Variants in ADAD1 observed in about 807,000 individuals in gnomAD.
The protein encoded by ADAD1 is adenosine deaminase domain containing 1, also known as adenosine deaminase domain-containing protein 1.
In ADAD1, 46 loss-of-function variants were observed where a neutral mutation model predicts 66.8. The ratio of observed to expected loss-of-function variants is 0.69; its 90% confidence interval spans 0.54 to 0.88. ADAD1 has a LOEUF of 0.88. Among genes scored for constraint, ADAD1 ranks in the 40% least tolerant of loss-of-function variants. The pLI, the probability that ADAD1 is intolerant of heterozygous loss-of-function variation, is 0.00. For synonymous variants in ADAD1, 248 were observed against 229.4 expected (o/e 1.08, Z -0.73); for missense variants, 617 against 681.8 (o/e 0.91, Z 1.06).
chr4:122,418,717 G>A (rs1796870386), intron 11 of ADAD1, among the ~76,000 whole-genome samples: 1 of 152,094 alleles, frequency 6.6e-6, no homozygotes, highest in Admixed American at 6.6e-5. Context: ...CCTTTAAAAA[G>A]CAGATAATTC....
At chr4:122,390,186 C>G (rs1263598766) in intron 5 of ADAD1, among the ~76,000 whole-genome samples, 1 of 152,140 alleles carries the variant, frequency 6.6e-6, no homozygotes, top group Non-Finnish European at 1.5e-5. Flanking sequence ...AATATTGGCC[C>G]CCAATCTCTC....
At chr4:122,395,550 G>A (rs901899656) in intron 6 of ADAD1, among the ~76,000 whole-genome samples, 9 of 151,730 alleles carry the variant, frequency 5.9e-5, no homozygotes, top group African/African-American at 1.5e-4. Context: ...GCATGGTGGC[G>A]CACGCTTGTA....
intron 2 of ADAD1, 25 bp from the exon 3 acceptor site, chr4:122,380,037 C>G (rs774047042): frequency 6.3e-7 from 1 of 1,581,770 alleles, no homozygotes; most frequent in East Asian, 2.2e-5. Flanking sequence ...GTCTTGTTTT[C>G]TGCCAATTTT....
At chr4:122,388,705 AGTG>A (rs1561533269) in intron 5 of ADAD1, among the ~76,000 whole-genome samples, 1 of 152,136 alleles carries the variant, frequency 6.6e-6, no homozygotes, top group African/African-American at 2.4e-5. Flanking sequence ...CTGTGGGGTC[AGTG>A]GTGATATCCC....
At chr4:122,393,545 A>G in intron 5 of ADAD1, 44 bp from the exon 6 acceptor site, 1 of 1,493,672 alleles carries the variant, frequency 6.7e-7, no homozygotes, top group Non-Finnish European at 9.0e-7. Flanking sequence ...GCTCTTTGGA[A>G]TGTTGAAGTT....
At chr4:122,406,478 A>G (rs1250122179) in intron 7 of ADAD1, among the ~76,000 whole-genome samples, 3 of 152,132 alleles carry the variant, frequency 2.0e-5, no homozygotes, top group African/African-American at 7.2e-5. Flanking sequence ...TATTGGAGAT[A>G]TGGTTTGCAA....
intron 12 of ADAD1, among the ~76,000 whole-genome samples, 164 bp downstream of exon 12, chr4:122,421,554 T>G (rs901105307): frequency 6.6e-6 from 1 of 152,130 alleles, no homozygotes; most frequent in Admixed American, 6.6e-5. Flanking sequence ...TGTCAGAAAT[T>G]AGATATGTAA....
chr4:122,395,201 C>G (rs536720927), intron 6 of ADAD1, among the ~76,000 whole-genome samples: 5 of 152,008 alleles, frequency 3.3e-5, no homozygotes, highest in Admixed American at 1.3e-4. Flanking sequence ...CAGGCACCCA[C>G]CACCATGCCT....
intron 4 of ADAD1, among the ~76,000 whole-genome samples, chr4:122,381,922 A>G (rs953086146): frequency 6.6e-6 from 1 of 152,224 alleles, no homozygotes; most frequent in Non-Finnish European, 1.5e-5. Flanking sequence ...CTAACTTGCC[A>G]ATATGGATCT....
At chr4:122,416,307 T>C (rs933138848) in intron 11 of ADAD1, among the ~76,000 whole-genome samples, 3 of 152,242 alleles carry the variant, frequency 2.0e-5, no homozygotes, top group African/African-American at 7.2e-5. Context: ...CATTGATTAT[T>C]AAGTAAAAGT....
At chr4:122,379,279 G>A (rs1461550647) in intron 1 of ADAD1, 93 bp from the exon 2 acceptor site, 1 of 152,484 alleles carries the variant, frequency 6.6e-6, no homozygotes, top group Non-Finnish European at 1.5e-5. Flanking sequence ...TTCTCCAGAA[G>A]GGTAAGGCGG....
chr4:122,381,022 A>G lies in ADAD1; in HGVS notation c.203A>G (p.Asn68Ser), dbSNP rs750588003. Residue 68 changes from asparagine (N) to serine (S), a missense_variant, in exon 4 of 13, where the codon AAT becomes AGT. Transcript: ENST00000296513. ...TTTCCAGAGCCGTTGCTTTCCAAGAATCTTTCATCTATTTCAAATCCTGTC... is the reference window on the plus strand; with the variant it reads ...TTTCCAGAGCCGTTGCTTTCCAAGAGTCTTTCATCTATTTCAAATCCTGTC... ...GNFPEPLLSK[N>S]LSSISNPVLP... 6.3e-7 allele frequency: 1 copy of G among 1,596,640 alleles called. No homozygotes were observed. Among genetic ancestry groups the G allele is most frequent in the South Asian group, 1.2e-5 (1 of 86,670 alleles).
At chr4:122,391,823 T>C (rs2101033) in intron 5 of ADAD1, among the ~76,000 whole-genome samples, 149,475 of 152,324 alleles carry the variant, frequency 0.98, 73,405 homozygotes, top group East Asian at 1. Flanking sequence ...GATTCTTGTG[T>C]CTCAGCTTCC....
chr4:122,387,769 T>G (rs1795245388), intron 5 of ADAD1, among the ~76,000 whole-genome samples: 1 of 150,518 alleles, frequency 6.6e-6, no homozygotes, highest in African/African-American at 2.4e-5. Flanking sequence ...TTGTTTTTTG[T>G]TTTTTTTTGA....
intron 5 of ADAD1, among the ~76,000 whole-genome samples, chr4:122,389,078 T>C (rs1429813468): frequency 6.6e-6 from 1 of 152,204 alleles, no homozygotes; most frequent in Non-Finnish European, 1.5e-5. Context: ...TTTGTTCTTA[T>C]TGGTTTCAAA....
chr4:122,383,166 G>T (rs901623537), intron 4 of ADAD1, among the ~76,000 whole-genome samples: 2 of 152,008 alleles, frequency 1.3e-5, no homozygotes, highest in Admixed American at 6.6e-5. Context: ...GTGATGACTG[G>T]ACATTCAGTT....
intron 5 of ADAD1, 21 bp downstream of exon 5, chr4:122,383,987 AG>A: frequency 1.3e-6 from 2 of 1,563,300 alleles, no homozygotes; most frequent in Non-Finnish European, 1.7e-6. Context: ...TTGATTATAA[AG>A]TATTTATAAG....
At chr4:122,396,451 C>A in intron 7 of ADAD1, 74 bp downstream of exon 7, 1 of 1,278,212 alleles carries the variant, frequency 7.8e-7, no homozygotes, top group Non-Finnish European at 1.1e-6. Flanking sequence ...TATCTTTGCC[C>A]CTGTACACAA....
intron 7 of ADAD1, among the ~76,000 whole-genome samples, chr4:122,398,582 CATTCCCACCAGCATTGTAAAAGT>C (rs1795824182): frequency 6.6e-6 from 1 of 152,096 alleles, no homozygotes; most frequent in South Asian, 2.1e-4. Context: ...TACTAGTTTA[CATTCCCACCAGCATTGTAAAAGT>C]ATTCCTTTTA....
Sources: allele counts gnomAD v4.1 joint callset (sites outside exome capture counted in the v4.1 genomes callset), GRCh38; gene constraint gnomAD v4.1.1; transcripts MANE v1.5; gene names NCBI Gene and HGNC (gene_info 2026-07-23, HGNC 2026-07-21).